Variants in NALF1 observed in about 807,000 individuals in gnomAD.
NALF1 encodes the protein family with sequence similarity 155 member A.
Under a neutral mutation model 48.4 loss-of-function variants are expected in NALF1, and 3 were observed. The observed-to-expected ratio is 0.06, with a 90% confidence interval of 0.03 to 0.16. The LOEUF (loss-of-function observed/expected upper bound fraction) is 0.16. Ranked by LOEUF, NALF1 falls within the 10% of genes least tolerant of loss-of-function variation. The pLI is 1.00. For synonymous variants in NALF1, 262 were observed against 245.7 expected (o/e 1.07, Z -0.62); for missense variants, 526 against 571.5 (o/e 0.92, Z 0.81).
chr13:107,276,782 TA>T (rs1881290397), intron 1 of NALF1, among the ~76,000 whole-genome samples: 1 of 152,034 alleles, frequency 6.6e-6, no homozygotes, highest in African/African-American at 2.4e-5. Flanking sequence ...TATAAAAAAG[TA>T]AAAAAATTAT....
intron 1 of NALF1, among the ~76,000 whole-genome samples, chr13:107,769,646 TA>T (rs2138568714): frequency 1.3e-5 from 2 of 150,608 alleles, no homozygotes; most frequent in South Asian, 4.2e-4. Flanking sequence ...CATATGTAAC[TA>T]ACCTGCACAA....
chr13:107,277,092 A>G (rs901909909), intron 1 of NALF1, among the ~76,000 whole-genome samples: 2 of 152,146 alleles, frequency 1.3e-5, no homozygotes, highest in African/African-American at 4.8e-5. Flanking sequence ...CTTTCTGGTA[A>G]TTTGAAATAA....
At chr13:107,402,480 T>C (rs1883825758) in intron 1 of NALF1, among the ~76,000 whole-genome samples, 1 of 152,190 alleles carries the variant, frequency 6.6e-6, no homozygotes, top group Non-Finnish European at 1.5e-5. Flanking sequence ...TGTGAGATAG[T>C]AAATGAATGT....
At chr13:107,273,894 G>A (rs1881224929) in intron 1 of NALF1, among the ~76,000 whole-genome samples, 1 of 152,152 alleles carries the variant, frequency 6.6e-6, no homozygotes. Context: ...CCATTTGCAA[G>A]TTTTGGTGGG....
intron 2 of NALF1, among the ~76,000 whole-genome samples, chr13:107,197,852 T>C (rs960679638): frequency 2.0e-5 from 3 of 152,186 alleles, no homozygotes; most frequent in Non-Finnish European, 2.9e-5. Flanking sequence ...ATTCATCCCT[T>C]TGTGGAAATA....
chr13:107,846,097 C>G (rs569090409), intron 1 of NALF1, among the ~76,000 whole-genome samples: 8 of 152,286 alleles, frequency 5.3e-5, no homozygotes, highest in African/African-American at 1.9e-4. Context: ...TGTATCACTG[C>G]TTGTCACACA....
intron 1 of NALF1, among the ~76,000 whole-genome samples, chr13:107,526,364 G>T (rs1417853628): frequency 6.6e-6 from 1 of 152,094 alleles, no homozygotes; most frequent in Admixed American, 6.6e-5. Context: ...ACCTCTTTCT[G>T]ATGCCTTTAT....
intron 1 of NALF1, among the ~76,000 whole-genome samples, chr13:107,609,370 G>C (rs535906698): frequency 1.8e-4 from 28 of 152,290 alleles, no homozygotes; most frequent in African/African-American, 6.7e-4. Flanking sequence ...GCACCAACCA[G>C]TCCCGGGTGA....
intron 1 of NALF1, among the ~76,000 whole-genome samples, chr13:107,858,815 A>C (rs1340265996): frequency 2.0e-5 from 3 of 152,254 alleles, no homozygotes; most frequent in Non-Finnish European, 1.5e-5. Flanking sequence ...GATTAAACAA[A>C]TTAGAATAGT....
At chr13:107,848,964 G>A (rs1049076031) in intron 1 of NALF1, among the ~76,000 whole-genome samples, 2 of 152,086 alleles carry the variant, frequency 1.3e-5, no homozygotes, top group Non-Finnish European at 2.9e-5. Flanking sequence ...ACATAATGGA[G>A]AATCATTCAT....
intron 1 of NALF1, among the ~76,000 whole-genome samples, chr13:107,838,537 C>A (rs541552728): frequency 6.6e-6 from 1 of 152,208 alleles, no homozygotes; most frequent in Admixed American, 6.5e-5. Flanking sequence ...TTGTGTCGTA[C>A]GTAACAGGTA....
chr13:107,542,015 T>C (rs114170911), intron 1 of NALF1, among the ~76,000 whole-genome samples: 48 of 152,156 alleles, frequency 3.2e-4, no homozygotes, highest in African/African-American at 1.1e-3. Flanking sequence ...CTCATTCTTA[T>C]TGCCTGGATG....
chr13:107,603,754 T>C (rs1878995015), intron 1 of NALF1, among the ~76,000 whole-genome samples: 1 of 152,226 alleles, frequency 6.6e-6, no homozygotes, highest in South Asian at 2.1e-4. Flanking sequence ...ATTTTCTATA[T>C]TTCCATCTGT....
chr13:107,609,253 G>A (rs1329648336), intron 1 of NALF1, among the ~76,000 whole-genome samples: 1 of 152,192 alleles, frequency 6.6e-6, no homozygotes, highest in East Asian at 1.9e-4. Context: ...CATTCATTCA[G>A]TTCATGAAAC....
intron 1 of NALF1, among the ~76,000 whole-genome samples, chr13:107,409,682 A>T (rs764320299): frequency 6.6e-6 from 1 of 152,190 alleles, no homozygotes; most frequent in Non-Finnish European, 1.5e-5. Flanking sequence ...ATGACCAATC[A>T]AATTGGTGTT....
chr13:107,580,198 C>G (rs1878266154), intron 1 of NALF1, among the ~76,000 whole-genome samples: 1 of 152,062 alleles, frequency 6.6e-6, no homozygotes, highest in Non-Finnish European at 1.5e-5. Flanking sequence ...ATCACAAGAA[C>G]AAAAAACCAA....
chr13:107,381,109 T>C (rs1259564816), intron 1 of NALF1, among the ~76,000 whole-genome samples: 4 of 148,650 alleles, frequency 2.7e-5, no homozygotes, highest in Non-Finnish European at 5.9e-5. Flanking sequence ...AAATAAAATA[T>C]ATATTCATAT....
At chr13:107,613,280 T>A (rs1161620345) in intron 1 of NALF1, among the ~76,000 whole-genome samples, 1 of 152,228 alleles carries the variant, frequency 6.6e-6, no homozygotes, top group Non-Finnish European at 1.5e-5. Flanking sequence ...ACCAATGTCA[T>A]TCCATCTTTT....
intron 1 of NALF1, among the ~76,000 whole-genome samples, chr13:107,350,704 G>C (rs1882858043): frequency 6.6e-6 from 1 of 152,156 alleles, no homozygotes; most frequent in Admixed American, 6.5e-5. Context: ...TTCCTTACTA[G>C]AGGTATTATT....
Sources: allele counts gnomAD v4.1 joint callset (sites outside exome capture counted in the v4.1 genomes callset), GRCh38; gene constraint gnomAD v4.1.1; transcripts MANE v1.5; gene names NCBI Gene and HGNC (gene_info 2026-07-23, HGNC 2026-07-21).